PDGFD: variants seen among roughly 807,000 people sequenced by gnomAD.
PDGFD encodes the protein platelet-derived growth factor D.
PDGFD carries 30 observed loss-of-function variants against 44.7 expected under a neutral mutation model. The ratio of observed to expected loss-of-function variants is 0.67; its 90% CI spans 0.50 to 0.91. The LOEUF (loss-of-function observed/expected upper bound fraction) is 0.91. PDGFD is among the 40% of genes least tolerant of loss of function. PDGFD has a pLI of 0.00. For synonymous variants in PDGFD, 173 were observed against 168.4 expected (o/e 1.03, Z -0.21); for missense variants, 445 against 457.8 (o/e 0.97, Z 0.25).
At chr11:104,155,911 ACATCT>A (rs1862300632) in intron 1 of PDGFD, among the ~76,000 whole-genome samples, 1 of 152,178 alleles carries the variant, frequency 6.6e-6, no homozygotes, top group African/African-American at 2.4e-5. Flanking sequence ...ACACCCAGCA[ACATCT>A]CTGAGCTCTT....
chr11:104,057,571 C>G (rs997139492), intron 1 of PDGFD, among the ~76,000 whole-genome samples: 2 of 152,056 alleles, frequency 1.3e-5, no homozygotes, highest in African/African-American at 4.8e-5. Context: ...GACCACCCGG[C>G]ACTAGGCTCA....
intron 1 of PDGFD, among the ~76,000 whole-genome samples, chr11:104,130,078 C>A (rs1355318795): frequency 1.3e-4 from 19 of 150,590 alleles, no homozygotes; most frequent in African/African-American, 4.6e-4. Context: ...GTTGACAGAG[C>A]ATGAAAGATA....
At chr11:103,909,863 C>T (rs1481962403) in intron 6 of PDGFD, 44 bp from the exon 7 acceptor site, 7 of 1,611,958 alleles carry the variant, frequency 4.3e-6, no homozygotes, top group Admixed American at 1.7e-5. Context: ...CTTTGGAGTT[C>T]AACTCAGTCA....
chr11:104,089,658 AAGTG>A, intron 1 of PDGFD, among the ~76,000 whole-genome samples: 1 of 152,334 alleles, frequency 6.6e-6, no homozygotes, highest in African/African-American at 2.4e-5. Flanking sequence ...CAGGATGAGG[AAGTG>A]AGTATTGCCA....
At chr11:104,006,120 C>T (rs1417902478) in intron 1 of PDGFD, among the ~76,000 whole-genome samples, 1 of 152,190 alleles carries the variant, frequency 6.6e-6, no homozygotes, top group Non-Finnish European at 1.5e-5. Flanking sequence ...TTACTTATCC[C>T]TGAAATCCAT....
At chr11:104,037,031 A>G in intron 1 of PDGFD, 1 of 1,614,204 alleles carries the variant, frequency 6.2e-7, no homozygotes, top group Middle Eastern at 1.6e-4. Context: ...AAAGATGGCG[A>G]TATCGTGGTT....
chr11:103,953,353 C>A (rs1348575060), intron 3 of PDGFD, among the ~76,000 whole-genome samples: 1 of 151,914 alleles, frequency 6.6e-6, no homozygotes, highest in African/African-American at 2.4e-5. Context: ...AAAGCTTATA[C>A]AAGAGTATGT....
In PDGFD at chr11:103,949,685, C is replaced by T. The variant is rs74763928; in HGVS notation, c.511-1961G>A. 9.7e-4 allele frequency among the ~76,000 whole-genome samples: 148 copies of T among 152,310 alleles called. 1 individual carries two copies. In the East Asian group the frequency reaches 0.021, roughly 21 times the overall value. On this transcript the variant is annotated intron_variant, in intron 3 of 6. Transcript: ENST00000393158. The stretch of plus-strand genomic sequence containing the variant: ...GATCATGAGGAAATAAAAACTATCC[C>T]TACCCTCAAGGAATTCGAAACGTAA...
rs189564438 is a variant in PDGFD, at chr11:104,078,804, T to C, written c.125-78549A>G. ...TTCTCATTCTATAAAGTATTTAATGTTTAGGCATTCAGCTATTTACCAATG... is the reference window on the plus strand; with the variant it reads ...TTCTCATTCTATAAAGTATTTAATGCTTAGGCATTCAGCTATTTACCAATG... On this transcript the variant is annotated intron_variant, in intron 1 of 6. Coordinates refer to ENST00000393158, the MANE Select transcript of PDGFD (RefSeq NM_025208.5). 1.7e-4 allele frequency among the ~76,000 whole-genome samples: 8 copies of C among 47,140 alleles called. 2 individuals carry two copies. The East Asian group carries it at 7.7e-3, about 46-fold the overall frequency. The allele number at this position is 47,140 out of a possible 152,430, so 30.9% of individuals were successfully genotyped here.
At chr11:104,110,187 A>C (rs754441094) in intron 1 of PDGFD, among the ~76,000 whole-genome samples, 5 of 152,178 alleles carry the variant, frequency 3.3e-5, no homozygotes, top group African/African-American at 1.2e-4. Flanking sequence ...CTGAGCAAGA[A>C]AGTAGGATTA....
intron 1 of PDGFD, among the ~76,000 whole-genome samples, chr11:104,028,948 G>A (rs760787178): frequency 2.0e-4 from 30 of 152,146 alleles, no homozygotes; most frequent in Non-Finnish European, 3.5e-4. Flanking sequence ...GTTAGAGTAC[G>A]TAGTTACTCT....
intron 1 of PDGFD, among the ~76,000 whole-genome samples, chr11:104,087,012 G>T (rs577556856): frequency 1.5e-5 from 2 of 135,330 alleles, no homozygotes; most frequent in African/African-American, 2.8e-5. Context: ...TTGTACCTAG[G>T]CTCTTAGTCT....
intron 1 of PDGFD, among the ~76,000 whole-genome samples, chr11:104,107,668 A>G (rs1861490749): frequency 6.6e-6 from 1 of 152,192 alleles, no homozygotes; most frequent in African/African-American, 2.4e-5. Flanking sequence ...TTTTTCACCA[A>G]TAACAAAATT....
At chr11:104,047,062 A>G (rs1204591957) in intron 1 of PDGFD, among the ~76,000 whole-genome samples, 1 of 147,000 alleles carries the variant, frequency 6.8e-6, no homozygotes, top group Non-Finnish European at 1.5e-5. Flanking sequence ...CCTGCAGAGG[A>G]CATGAACTCA....
chr11:104,109,537 A>G (rs551270504), intron 1 of PDGFD, among the ~76,000 whole-genome samples: 6 of 152,246 alleles, frequency 3.9e-5, no homozygotes, highest in African/African-American at 1.2e-4. Flanking sequence ...TTATCTCATC[A>G]TTTTACTTCT....
chr11:103,981,296 A>G (rs1266772717), intron 3 of PDGFD, among the ~76,000 whole-genome samples: 1 of 151,610 alleles, frequency 6.6e-6, no homozygotes, highest in Non-Finnish European at 1.5e-5. Context: ...GAAGGCCTAG[A>G]AGACCCTCAC....
At chr11:104,000,564 G>A (rs1374340455) in intron 1 of PDGFD, among the ~76,000 whole-genome samples, 1 of 104,860 alleles carries the variant, frequency 9.5e-6, no homozygotes. Context: ...TCTCCGATGG[G>A]TAACCTTCTG....
chr11:104,085,403 T>C (rs361276), intron 1 of PDGFD, among the ~76,000 whole-genome samples: 4,557 of 152,294 alleles, frequency 0.03, 106 homozygotes, highest in Non-Finnish European at 0.047. Flanking sequence ...TTATTCCTCT[T>C]GAATTGCTGA....
At position 103,909,837 on chromosome 11, in the gene PDGFD, TCTC is replaced by T. The variant is rs1819278639; in HGVS notation, c.988-21_988-19del. On this transcript the variant is annotated intron_variant, in intron 6 of 6. Coordinates refer to ENST00000393158, the MANE Select transcript of PDGFD (RefSeq NM_025208.5). Reference sequence around the variant, plus strand: ...TGTAATACCTAGGACAAGAAGCACATCTCCTGTTAGAAAGCCTTTGGAGTTCAA... The same window carrying T: ...TGTAATACCTAGGACAAGAAGCACATCTGTTAGAAAGCCTTTGGAGTTCAA... The T allele has an allele frequency of 6.2e-7, 1 of 1,613,990 alleles. No homozygotes were observed. Among genetic ancestry groups the T allele is most frequent in the Non-Finnish European group, 8.5e-7 (1 of 1,179,906 alleles).
Sources: gnomAD v4.1 joint callset for allele counts (sites outside exome capture counted in the v4.1 genomes callset) on GRCh38, gnomAD v4.1.1 for gene constraint, MANE v1.5 for transcripts, NCBI Gene and HGNC (gene_info 2026-07-23, HGNC 2026-07-21) for gene names.